Variants in ZFPM2 observed in about 807,000 individuals in gnomAD.
ZFPM2 encodes the protein zinc finger protein, FOG family member 2, also known as zinc finger protein ZFPM2.
Under a neutral mutation model 98.6 loss-of-function variants are expected in ZFPM2, and 20 were observed. The observed-to-expected ratio is 0.20, with a 90% CI of 0.14 to 0.29. ZFPM2 has a LOEUF of 0.29. Among genes scored for constraint, ZFPM2 ranks in the 10% least tolerant of loss-of-function variants. The pLI, the probability that ZFPM2 is intolerant of heterozygous loss-of-function variation, is 1.00. For missense variants in ZFPM2, 1,310 were observed against 1,388.6 expected (o/e 0.94, Z 0.90); for synonymous variants, 518 against 502.7 (o/e 1.03, Z -0.41).
chr8:105,793,924 C>T (rs139681914), intron 6 of ZFPM2, among the ~76,000 whole-genome samples: 11,052 of 152,042 alleles, frequency 0.073, 455 homozygotes, highest in East Asian at 0.12. Context: ...GCTTTCAGCT[C>T]CAACAGCTCC....
chr8:105,395,080 G>T (rs1317016802), intron 1 of ZFPM2, among the ~76,000 whole-genome samples: 3 of 152,124 alleles, frequency 2.0e-5, no homozygotes, highest in Non-Finnish European at 4.4e-5. Context: ...TCTGGTCCAG[G>T]CTATTACAGC....
intron 5 of ZFPM2, among the ~76,000 whole-genome samples, chr8:105,723,952 G>C (rs1414983117): frequency 6.6e-6 from 1 of 151,344 alleles, no homozygotes; most frequent in Non-Finnish European, 1.5e-5. Flanking sequence ...GTAGCCTCTT[G>C]GTTGGCTGAA....
chr8:105,709,951 G>A (rs1319092315), intron 5 of ZFPM2, among the ~76,000 whole-genome samples: 68 of 152,182 alleles, frequency 4.5e-4, no homozygotes. Flanking sequence ...CTTTCAATCT[G>A]TTCCAGAAAC....
At chr8:105,484,912 C>T (rs980951178) in intron 3 of ZFPM2, among the ~76,000 whole-genome samples, 1 of 152,116 alleles carries the variant, frequency 6.6e-6, no homozygotes, top group Admixed American at 6.5e-5. Flanking sequence ...TTGGTCCCAA[C>T]TTATTAAAGG....
intron 5 of ZFPM2, among the ~76,000 whole-genome samples, chr8:105,641,232 C>T (rs1187516635): frequency 6.6e-6 from 1 of 151,936 alleles, no homozygotes; most frequent in Non-Finnish European, 1.5e-5. Flanking sequence ...TTATGCTTAA[C>T]TCTGATAATT....
intron 3 of ZFPM2, among the ~76,000 whole-genome samples, chr8:105,446,526 T>C (rs566863601): frequency 3.9e-5 from 6 of 152,256 alleles, no homozygotes; most frequent in African/African-American, 1.4e-4. Flanking sequence ...TTGTGGCTAA[T>C]AAAAGAGGGG....
In ZFPM2 at chr8:105,762,222, A is replaced by G. The variant is rs752089846; in HGVS notation, c.533-26496A>G. On this transcript the variant is annotated intron_variant, in intron 5 of 7. Coordinates refer to ENST00000407775, the MANE Select transcript of ZFPM2 (RefSeq NM_012082.4). ...TACGATGCTCTTGACCTACTCAAGA[A>G]TATATGTACTGATAGTATTAGTTCC... 2.0e-5 allele frequency among the ~76,000 whole-genome samples: 3 copies of G among 151,978 alleles called. No individual in the cohort carries two copies. In the South Asian group the frequency reaches 6.2e-4, roughly 31 times the overall value.
At chr8:105,621,845 T>C (rs1238849571) in intron 4 of ZFPM2, among the ~76,000 whole-genome samples, 1 of 152,140 alleles carries the variant, frequency 6.6e-6, no homozygotes, top group African/African-American at 2.4e-5. Context: ...ACGATTATTT[T>C]ATTATTAGTT....
At chr8:105,790,247 T>C (rs2131140798) in intron 6 of ZFPM2, among the ~76,000 whole-genome samples, 1 of 151,138 alleles carries the variant, frequency 6.6e-6, no homozygotes, top group South Asian at 2.1e-4. Context: ...TAATCCATCT[T>C]GAATTGATTT....
chr8:105,672,408 T>C (rs1817613740), intron 5 of ZFPM2, among the ~76,000 whole-genome samples: 1 of 152,000 alleles, frequency 6.6e-6, no homozygotes, highest in African/African-American at 2.4e-5. Flanking sequence ...TATTATGAAA[T>C]TCAGATCAAT....
At chr8:105,693,356 G>A (rs1262404722) in intron 5 of ZFPM2, among the ~76,000 whole-genome samples, 1 of 152,148 alleles carries the variant, frequency 6.6e-6, no homozygotes. Context: ...TCGGCAACTC[G>A]CGTTGGGACT....
chr8:105,344,773 T>A (rs1437547854), intron 1 of ZFPM2, among the ~76,000 whole-genome samples: 1 of 152,154 alleles, frequency 6.6e-6, no homozygotes, highest in African/African-American at 2.4e-5. Flanking sequence ...TAAGCCATTG[T>A]CCTTTATATC....
chr8:105,326,449 A>G (rs2130656274), intron 1 of ZFPM2, among the ~76,000 whole-genome samples: 1 of 151,766 alleles, frequency 6.6e-6, no homozygotes, highest in South Asian at 2.1e-4. Flanking sequence ...AGATTGGGGA[A>G]CTCTATATGC....
At chr8:105,498,549 C>G (rs963996773) in intron 3 of ZFPM2, among the ~76,000 whole-genome samples, 1 of 152,162 alleles carries the variant, frequency 6.6e-6, no homozygotes, top group African/African-American at 2.4e-5. Context: ...TAGTAGCTGT[C>G]TCCCCTTTGC....
At position 105,561,477 on chromosome 8, in the gene ZFPM2, C is replaced by G. The variant is rs1484648379; in HGVS notation, c.416C>G (p.Ser139Cys). 1.9e-6 allele frequency: 3 copies of G among 1,608,198 alleles called. No individual in the cohort carries two copies. Among genetic ancestry groups the G allele is most frequent in the Non-Finnish European group, 2.6e-6 (3 of 1,176,154 alleles). ...GGGAAGATGGACTTGAATAATAATT[C>G]TTTGGTATGTGGATATTCCGAGATG... Reference protein sequence around the residue: ...FPGKMDLNNNSLKTKAQVPMV... With the variant: ...FPGKMDLNNNCLKTKAQVPMV... The change falls in exon 4 of 8, where the codon TCT (serine) becomes TGT (cysteine). Residue 139 changes from serine to cysteine, a missense_variant. Transcript: ENST00000407775.
chr8:105,342,342 C>G (rs1278805891), intron 1 of ZFPM2, among the ~76,000 whole-genome samples: 2 of 152,018 alleles, frequency 1.3e-5, no homozygotes, highest in African/African-American at 2.4e-5. Context: ...GTCATATTCT[C>G]ATAGAAATTA....
chr8:105,386,976 C>A (rs1482987002), intron 1 of ZFPM2, among the ~76,000 whole-genome samples: 1 of 152,108 alleles, frequency 6.6e-6, no homozygotes, highest in East Asian at 1.9e-4. Flanking sequence ...CTGAGCTAGA[C>A]AGAGGGTGCT....
intron 1 of ZFPM2, among the ~76,000 whole-genome samples, chr8:105,371,773 T>C (rs978347385): frequency 6.6e-6 from 1 of 152,114 alleles, no homozygotes; most frequent in African/African-American, 2.4e-5. Context: ...GTTAATTGCA[T>C]AAAAAATGTT....
intron 3 of ZFPM2, among the ~76,000 whole-genome samples, chr8:105,499,532 T>C (rs1275941693): frequency 6.6e-6 from 1 of 152,224 alleles, no homozygotes; most frequent in Non-Finnish European, 1.5e-5. Context: ...GAGTAAAATG[T>C]ATCTGAACGT....
Sources: allele counts gnomAD v4.1 joint callset (sites outside exome capture counted in the v4.1 genomes callset), GRCh38; gene constraint gnomAD v4.1.1; transcripts MANE v1.5; gene names NCBI Gene and HGNC (gene_info 2026-07-23, HGNC 2026-07-21).